The following MTSS1 variants were observed in gnomAD, a reference collection of about 807,000 sequenced individuals.
MTSS1 encodes the protein protein MTSS 1.
MTSS1 carries 18 observed loss-of-function variants against 79.0 expected under a neutral mutation model. That is an observed-to-expected ratio of 0.23 (90% CI 0.16 to 0.34). MTSS1 has a LOEUF of 0.34. MTSS1 is among the 10% of genes least tolerant of loss of function. The probability of loss-of-function intolerance (pLI) is 1.00; values close to 1 mark genes in which losing one functional copy is unlikely to be tolerated. For synonymous variants in MTSS1, 341 were observed against 368.6 expected, an observed-to-expected ratio of 0.93 and a Z score of 0.86; for missense variants, 815 against 986.2, an observed-to-expected ratio of 0.83 and a Z score of 2.33.
intron 3 of MTSS1, among the ~76,000 whole-genome samples, chr8:124,599,154 A>C (rs1322757807): frequency 6.6e-6 from 1 of 152,184 alleles, no homozygotes; most frequent in Non-Finnish European, 1.5e-5. Context: ...CCCCACAGTG[A>C]AATTGATTAC....
chr8:124,660,589 C>T (rs1352183067), intron 3 of MTSS1, among the ~76,000 whole-genome samples: 1 of 152,106 alleles, frequency 6.6e-6, no homozygotes, highest in East Asian at 1.9e-4. Flanking sequence ...TTGTTTAGAG[C>T]ATTAACCCTC....
At chr8:124,715,851 C>G (rs1034951404) in intron 1 of MTSS1, among the ~76,000 whole-genome samples, 1 of 152,190 alleles carries the variant, frequency 6.6e-6, no homozygotes, top group South Asian at 2.1e-4. Context: ...CTGGGTGACC[C>G]TGGGCAAGTA....
rs190488127 is a variant in MTSS1, at chr8:124,639,755, C to T, written c.209-48520G>A. 1.0e-3 allele frequency among the ~76,000 whole-genome samples: 159 copies of T among 152,284 alleles called. 2 individuals are homozygous for T. Among genetic ancestry groups the T allele is most frequent in the African/African-American group, 3.6e-3 (150 of 41,556 alleles). On this transcript the variant is annotated intron_variant, in intron 3 of 13. Coordinates refer to ENST00000518547, the MANE Select transcript of MTSS1 (RefSeq NM_014751.6). ...CTGGGATTACAGGCGTGAGCCACCG[C>T]GCCCAGCCCCAGATTTCTTTTCTAT...
At chr8:124,590,101 T>C (rs999237411) in intron 4 of MTSS1, among the ~76,000 whole-genome samples, 4 of 152,190 alleles carry the variant, frequency 2.6e-5, no homozygotes, top group African/African-American at 7.2e-5. Flanking sequence ...ATGAGCCGCC[T>C]GCCTTGGCCT....
chr8:124,696,851 C>CA (rs35766199), intron 3 of MTSS1, among the ~76,000 whole-genome samples: 13,586 of 128,996 alleles, frequency 0.11, 881 homozygotes, highest in Non-Finnish European at 0.15. Flanking sequence ...GAGTCCGTCT[C>CA]AAAAAAAAAA....
rs1481472962 is a variant in MTSS1 at position 124,552,915 on chromosome 8, T to C, written c.*77A>G. 30 of 1,422,974 alleles carry C rather than the reference T, an allele frequency of 2.1e-5. No individual in the cohort carries two copies. The highest frequency in any genetic ancestry group is 1.2e-4 in the South Asian group (9 of 75,106). The allele number at this position is 1,422,974 out of a possible 1,614,324, so 88.1% of individuals were successfully genotyped here. ...GCCTACAAAATCTTTTGTTTTATTATAGAGTGGAATGGATCAAGACAAATT... is the reference window on the plus strand; with the variant it reads ...GCCTACAAAATCTTTTGTTTTATTACAGAGTGGAATGGATCAAGACAAATT... On this transcript the variant is annotated 3_prime_UTR_variant, in exon 14 of 14. Transcript: ENST00000518547.
intron 3 of MTSS1, among the ~76,000 whole-genome samples, chr8:124,672,100 T>C (rs1329749207): frequency 6.6e-6 from 1 of 152,240 alleles, no homozygotes; most frequent in Non-Finnish European, 1.5e-5. Flanking sequence ...TAATTAAGAA[T>C]GTAATTTTTT....
intron 3 of MTSS1, among the ~76,000 whole-genome samples, chr8:124,608,084 T>C (rs940649245): frequency 9.2e-5 from 14 of 152,042 alleles, no homozygotes; most frequent in African/African-American, 3.1e-4. Flanking sequence ...TCTAGCACCC[T>C]GATGACCTTC....
chr8:124,716,401 T>C (rs1486832540), intron 1 of MTSS1, among the ~76,000 whole-genome samples: 1 of 152,220 alleles, frequency 6.6e-6, no homozygotes, highest in East Asian at 1.9e-4. Flanking sequence ...CAAGTATATC[T>C]GTGGTGGAGT....
At chr8:124,653,662 T>C (rs1291178241) in intron 3 of MTSS1, among the ~76,000 whole-genome samples, 1 of 152,236 alleles carries the variant, frequency 6.6e-6, no homozygotes, top group Non-Finnish European at 1.5e-5. Flanking sequence ...AGGCTGAGGT[T>C]GCAGTGAGCC....
intron 3 of MTSS1, among the ~76,000 whole-genome samples, chr8:124,617,111 G>A (rs1428367184): frequency 6.6e-6 from 1 of 152,158 alleles, no homozygotes; most frequent in African/African-American, 2.4e-5. Context: ...AGTGTCTACC[G>A]CTACCACACA....
intron 3 of MTSS1, among the ~76,000 whole-genome samples, chr8:124,652,356 G>A (rs551058075): frequency 6.6e-6 from 1 of 152,040 alleles, no homozygotes; most frequent in East Asian, 2.0e-4. Context: ...TGTAGAGACA[G>A]GGTTTCACCA....
chr8:124,594,251 C>A (rs1378228807), intron 3 of MTSS1, among the ~76,000 whole-genome samples: 1 of 152,216 alleles, frequency 6.6e-6, no homozygotes, highest in Non-Finnish European at 1.5e-5. Flanking sequence ...GATGAACTGG[C>A]CGGGCTCAGT....
chr8:124,710,426 C>T (rs1188172902), intron 1 of MTSS1, among the ~76,000 whole-genome samples: 1 of 119,598 alleles, frequency 8.4e-6, no homozygotes, highest in Non-Finnish European at 1.7e-5. Context: ...TTGGTGGCCA[C>T]CTAAACAAAT....
intron 6 of MTSS1, among the ~76,000 whole-genome samples, chr8:124,572,034 C>G (rs7838223): frequency 0.68 from 103,555 of 152,080 alleles, 35,348 homozygotes; most frequent in Non-Finnish European, 0.7. Flanking sequence ...AAAAATGTAT[C>G]TTTACTTCCT....
Position 124,562,996 on chromosome 8 carries a change from T to G in MTSS1, c.825-4A>C. ...GCTGTTGACACTGTTCAGGCTGCTG[T>G]GGAGGACAAGCAGGGGTGAGGGGTG... On this transcript the variant is annotated splice_polypyrimidine_tract_variant and splice_region_variant and intron_variant, in intron 9 of 13. Coordinates refer to ENST00000518547, the MANE Select transcript of MTSS1 (RefSeq NM_014751.6). The G allele has an allele frequency of 6.2e-7, 1 of 1,601,210 alleles. No individual in the cohort carries two copies. Among genetic ancestry groups the G allele is most frequent in the Non-Finnish European group, 8.5e-7 (1 of 1,174,930 alleles).
intron 3 of MTSS1, among the ~76,000 whole-genome samples, chr8:124,605,781 T>C (rs898982056): frequency 1.3e-5 from 2 of 152,214 alleles, no homozygotes; most frequent in Non-Finnish European, 2.9e-5. Context: ...CCCCAAACTA[T>C]GCCAGAATAT....
At chr8:124,612,110 T>C (rs1835920235) in intron 3 of MTSS1, among the ~76,000 whole-genome samples, 1 of 152,240 alleles carries the variant, frequency 6.6e-6, no homozygotes, top group African/African-American at 2.4e-5. Flanking sequence ...AATTATCTGC[T>C]GCAGGAATTA....
chr8:124,562,932 G>A lies in MTSS1; in HGVS notation c.885C>T (p.Pro295=). The change falls in exon 10 of 14, where the codon CCC becomes CCT. Residue 295 remains proline (P), a synonymous_variant. Transcript: ENST00000518547. ...AGCTGCGGTAGCGGTAATGTGAGCTGGGGGAATGCGAGTGGGAGCCGCTGG... is the reference window on the plus strand; with the variant it reads ...AGCTGCGGTAGCGGTAATGTGAGCTAGGGGAATGCGAGTGGGAGCCGCTGG... ...SRSSGSHSHS[P]SSHYRYRSSN... 6.2e-7 allele frequency: 1 copy of A among 1,613,614 alleles called. No homozygotes were observed. Among genetic ancestry groups the A allele is most frequent in the Non-Finnish European group, 8.5e-7 (1 of 1,179,802 alleles).
Sources: allele counts gnomAD v4.1 joint callset (sites outside exome capture counted in the v4.1 genomes callset), GRCh38; gene constraint gnomAD v4.1.1; transcripts MANE v1.5; gene names NCBI Gene and HGNC (gene_info 2026-07-23, HGNC 2026-07-21).